HNF1A: variants seen among roughly 807,000 people sequenced by gnomAD.
HNF1A encodes the protein hepatocyte nuclear factor 1-alpha.
HNF1A carries 21 observed loss-of-function variants against 62.2 expected under a neutral mutation model. The ratio of observed to expected loss-of-function variants is 0.34; its 90% CI spans 0.24 to 0.49. The LOEUF (loss-of-function observed/expected upper bound fraction) is 0.49. HNF1A is among the 20% of genes least tolerant of loss of function. The pLI is 0.99. For synonymous variants in HNF1A, 374 were observed against 366.8 expected (o/e 1.02, Z -0.22); for missense variants, 687 against 832.3 (o/e 0.83, Z 2.15).
intron 1 of HNF1A, among the ~76,000 whole-genome samples, chr12:120,983,670 T>C (rs1876362764): frequency 6.6e-6 from 1 of 151,844 alleles, no homozygotes; most frequent in African/African-American, 2.4e-5. Context: ...CTCAGCCTCC[T>C]GAGTAGCTGG....
rs56348580 is a variant in HNF1A at position 120,994,314 on chromosome 12, G to C, written c.864G>C (p.Gly288=). The change falls in exon 4 of 10, where the codon GGG becomes GGC. Residue 288 remains glycine, a synonymous_variant. Coordinates refer to ENST00000257555, the MANE Select transcript of HNF1A (RefSeq NM_000545.8). ...RHKLAMDTYS[G]PPPGPGPGPA... ...AGCTGGCCATGGACACGTACAGCGG[G>C]CCCCCCCCAGGGCCAGGCCCGGGAC... 0.28 allele frequency: 451,958 copies of C among 1,605,008 alleles called. 67,823 individuals are homozygous for C. Among genetic ancestry groups the C allele is most frequent in the Admixed American group, 0.41 (23,905 of 58,286 alleles).
At chr12:120,983,976 GAAGA>G (rs1876385985) in intron 1 of HNF1A, among the ~76,000 whole-genome samples, 1 of 147,880 alleles carries the variant, frequency 6.8e-6, no homozygotes, top group Non-Finnish European at 1.5e-5. Context: ...CAGAGAGACA[GAAGA>G]GAGAGAGTGA....
intron 1 of HNF1A, among the ~76,000 whole-genome samples, chr12:120,985,510 A>G (rs1876465664): frequency 6.7e-6 from 1 of 149,236 alleles, no homozygotes; most frequent in Non-Finnish European, 1.5e-5. Context: ...AAAAAGAAGA[A>G]AAAGTACAAA....
intron 6 of HNF1A, 54 bp from the exon 7 acceptor site, chr12:120,997,420 C>T: frequency 6.5e-7 from 1 of 1,532,992 alleles, no homozygotes; most frequent in Non-Finnish European, 8.8e-7. Flanking sequence ...AGGTCTTGGG[C>T]AGGGGTGGGA....
chr12:120,986,295 G>A (rs1371977297), intron 1 of HNF1A, among the ~76,000 whole-genome samples: 2 of 152,168 alleles, frequency 1.3e-5, no homozygotes, highest in Non-Finnish European at 2.9e-5. Flanking sequence ...TTTTTTCAGT[G>A]GTTGCATTGA....
chr12:120,979,170 CTGAGT>C, intron 1 of HNF1A, 76 bp downstream of exon 1: 1 of 1,316,926 alleles, frequency 7.6e-7, no homozygotes, highest in Non-Finnish European at 1.1e-6. Context: ...AGCCCCCCTT[CTGAGT>C]TGAGTCCCCA....
rs778799683 is a variant in HNF1A at position 120,996,455 on chromosome 12, C to T, written c.1107+42C>T. 1 of 1,613,958 alleles carries T rather than the reference C, an allele frequency of 6.2e-7. No individual in the cohort carries two copies. Among genetic ancestry groups the T allele is most frequent in the Admixed American group, 1.7e-5 (1 of 60,020 alleles). ...GTAAGGAAAACCCAACCTCATCTTT[C>T]CTTGGCAGGGAGATTCTGGAGCAGT... On this transcript the variant is annotated intron_variant, in intron 5 of 9. Transcript: ENST00000257555. The surrounding 1 kb of genome is among the most constrained non-coding windows in gnomAD (Gnocchi z 4.5).
intron 2 of HNF1A, among the ~76,000 whole-genome samples, chr12:120,989,695 A>G (rs567156903): frequency 6.6e-6 from 1 of 152,258 alleles, no homozygotes; most frequent in South Asian, 2.1e-4. Flanking sequence ...TTTATCATGC[A>G]TTTTTGGGGT....
intron 9 of HNF1A, chr12:121,000,734 A>G: frequency 2.5e-6 from 1 of 396,738 alleles, no homozygotes; most frequent in Non-Finnish European, 4.8e-6. Context: ...CCACATCTAC[A>G]AAGCACCTGC....
intron 1 of HNF1A, among the ~76,000 whole-genome samples, chr12:120,981,164 G>C (rs780130072): frequency 8.6e-5 from 13 of 151,058 alleles, no homozygotes; most frequent in Non-Finnish European, 1.3e-4. Context: ...AGGGAGAGAG[G>C]GGCGGGGGAC....
chr12:120,985,800 C>A (rs557007658), intron 1 of HNF1A, among the ~76,000 whole-genome samples: 89 of 152,102 alleles, frequency 5.9e-4, no homozygotes, highest in African/African-American at 2.1e-3. Context: ...GCCTGGCCAA[C>A]ATGGTGAAAC....
chr12:120,978,767 C>T lies in HNF1A; in HGVS notation c.-2C>T, dbSNP rs778233597. The T allele has an allele frequency of 2.5e-6, 4 of 1,612,728 alleles. No individual in the cohort carries two copies. Among genetic ancestry groups the T allele is most frequent in the African/African-American group, 1.3e-5 (1 of 75,026 alleles). The stretch of plus-strand genomic sequence containing the variant: ...GCCGCGTGGCCCTGTGGCAGCCGAG[C>T]CATGGTTTCTAAACTGAGCCAGCTG... On this transcript the variant is annotated 5_prime_UTR_variant, in exon 1 of 10. Coordinates refer to ENST00000257555, the MANE Select transcript of HNF1A (RefSeq NM_000545.8).
At chr12:121,000,641 T>C in intron 9 of HNF1A, 2 of 251,858 alleles carry the variant, frequency 7.9e-6, no homozygotes, top group Non-Finnish European at 1.6e-5. Context: ...TTTTTGCTCT[T>C]ACGGCCTTCC....
In HNF1A at chr12:120,996,576, C is replaced by G. The variant is rs772520438; in HGVS notation, c.1143C>G (p.Ser381Arg). The G allele has an allele frequency of 1.2e-6, 2 of 1,613,914 alleles. No individual in the cohort carries two copies. Among genetic ancestry groups the G allele is most frequent in the Non-Finnish European group, 1.7e-6 (2 of 1,179,914 alleles). ...SAAGGPLPPV[S>R]TLTALHSLEQ... ...CTGGGGGCCCCCTCCCCCCTGTCAG[C>G]ACCCTGACAGCACTGCACAGCTTGG... is the stretch of plus-strand genomic sequence containing the variant. Residue 381 changes from serine to arginine, a missense_variant, in exon 6 of 10, where the codon AGC becomes AGG. By Grantham distance (110) the Ser-to-Arg change is moderately radical. Coordinates refer to ENST00000257555, the MANE Select transcript of HNF1A (RefSeq NM_000545.8). This position sits in a 1 kb window ranked among gnomAD's most constrained non-coding sequence, Gnocchi z 4.5.
chr12:120,996,523 C>T lies in HNF1A; in HGVS notation c.1108-18C>T. On this transcript the variant is annotated intron_variant, in intron 5 of 9. Transcript: ENST00000257555. The surrounding 1 kb of genome is among the most constrained non-coding windows in gnomAD (Gnocchi z 4.5). Reference sequence around the variant, plus strand: ...GGGGACCCCGGCCCCCCGGACACAGCTTGGCTTCCCCTCGTAGGTCTCAGC... The same window carrying T: ...GGGGACCCCGGCCCCCCGGACACAGTTTGGCTTCCCCTCGTAGGTCTCAGC... 6.2e-7 allele frequency: 1 copy of T among 1,613,330 alleles called. No homozygotes were observed. The highest frequency in any genetic ancestry group is 1.3e-5 in the African/African-American group (1 of 75,034).
At position 120,999,255 on chromosome 12, in the gene HNF1A, C is replaced by A. The variant is rs1380905946; in HGVS notation, c.1502-13C>A. 2 of 1,613,778 alleles carry A rather than the reference C, an allele frequency of 1.2e-6. No individual in the cohort carries two copies. The highest frequency in any genetic ancestry group is 1.7e-5 in the Admixed American group (1 of 60,014). On this transcript the variant is annotated splice_polypyrimidine_tract_variant and intron_variant, in intron 7 of 9. Coordinates refer to ENST00000257555, the MANE Select transcript of HNF1A (RefSeq NM_000545.8). ...ACGTCTGCCACGTCTGCCCCTCTCT[C>A]CCCTGCGGCCAGCCCTCTACAGCCA...
chr12:120,997,887 C>T, intron 7 of HNF1A: 1 of 699,888 alleles, frequency 1.4e-6, no homozygotes. Flanking sequence ...TAGTGCGTGT[C>T]TGGGTGTGTA....
chr12:120,981,166 G>A (rs1003336186), intron 1 of HNF1A, among the ~76,000 whole-genome samples: 1 of 150,920 alleles, frequency 6.6e-6, no homozygotes, highest in African/African-American at 2.4e-5. Flanking sequence ...GGAGAGAGGG[G>A]CGGGGGACCC....
At chr12:120,988,666 A>G (rs1355204367) in intron 1 of HNF1A, among the ~76,000 whole-genome samples, 167 bp from the exon 2 acceptor site, 1 of 152,206 alleles carries the variant, frequency 6.6e-6, no homozygotes, top group Non-Finnish European at 1.5e-5. Context: ...ATAAATGACC[A>G]TACCTCACCG....
Sources: allele counts gnomAD v4.1 joint callset (sites outside exome capture counted in the v4.1 genomes callset), GRCh38; gene constraint gnomAD v4.1.1; non-coding constraint Gnocchi (gnomAD v3.1); transcripts MANE v1.5; gene names NCBI Gene and HGNC (gene_info 2026-07-23, HGNC 2026-07-21).